Variants in RPS6KC1 observed in about 807,000 individuals in gnomAD.
RPS6KC1 encodes inactive ribosomal protein S6 kinase delta-1.
RPS6KC1 carries 54 observed loss-of-function variants against 103.8 expected under a neutral mutation model. That is an observed-to-expected ratio of 0.52 (90% CI 0.42 to 0.65). The LOEUF is 0.65. RPS6KC1 is among the 30% of genes least tolerant of loss of function. The pLI is 0.00. For synonymous variants in RPS6KC1, 439 were observed against 438.7 expected, an observed-to-expected ratio of 1.00 and a Z score of -0.01; for missense variants, 1,151 against 1,253.8, an observed-to-expected ratio of 0.92 and a Z score of 1.24.
At chr1:213,850,324 A>G in the RPS6KC1 span, among the ~76,000 whole-genome samples, 1 of 152,290 alleles carries the variant, frequency 6.6e-6, no homozygotes, top group South Asian at 2.1e-4. Flanking sequence ...TGTTCAATTT[A>G]TATTTTTTGT....
the RPS6KC1 span, among the ~76,000 whole-genome samples, chr1:213,553,861 A>AT: frequency 5.9e-5 from 9 of 151,580 alleles, no homozygotes; most frequent in African/African-American, 9.7e-5. Flanking sequence ...TTCTTTGACC[A>AT]TTTTTTTTGT....
chr1:213,588,401 C>A, the RPS6KC1 span, among the ~76,000 whole-genome samples: 1 of 151,660 alleles, frequency 6.6e-6, no homozygotes, highest in African/African-American at 2.4e-5. Flanking sequence ...TGGGTTCACA[C>A]CATTTTCCTG....
chr1:213,861,543 T>C, the RPS6KC1 span, among the ~76,000 whole-genome samples: 1 of 152,126 alleles, frequency 6.6e-6, no homozygotes, highest in African/African-American at 2.4e-5. Context: ...CACAAGACTC[T>C]TTGCTAGTAG....
the RPS6KC1 span, among the ~76,000 whole-genome samples, chr1:213,545,219 AC>A: frequency 1.3e-5 from 2 of 151,980 alleles, no homozygotes; most frequent in East Asian, 1.9e-4. Context: ...TACAAAAAAA[AC>A]ATTAACTGGG....
At chr1:213,488,785 A>G in the RPS6KC1 span, among the ~76,000 whole-genome samples, 1 of 152,214 alleles carries the variant, frequency 6.6e-6, no homozygotes. Context: ...TCCAATCTTT[A>G]TTTGAAATGG....
chr1:213,794,744 C>T, the RPS6KC1 span, among the ~76,000 whole-genome samples: 23 of 152,018 alleles, frequency 1.5e-4, no homozygotes, highest in African/African-American at 2.4e-4. Context: ...TTGTCTTGCC[C>T]GGGGAGAATA....
intron 8 of RPS6KC1, among the ~76,000 whole-genome samples, chr1:213,184,315 T>G (rs1365324909): frequency 6.6e-6 from 1 of 152,122 alleles, no homozygotes; most frequent in Non-Finnish European, 1.5e-5. Context: ...TTCTCATAAG[T>G]GTAGGTATAG....
At chr1:213,561,655 C>T in the RPS6KC1 span, among the ~76,000 whole-genome samples, 7,458 of 152,166 alleles carry the variant, frequency 0.049, 645 homozygotes, top group African/African-American at 0.17. Context: ...GATCAGTGCC[C>T]TTTTCTTTGG....
chr1:213,249,833 G>T (rs778935374), intron 12 of RPS6KC1, among the ~76,000 whole-genome samples: 1 of 152,184 alleles, frequency 6.6e-6, no homozygotes, highest in Non-Finnish European at 1.5e-5. Flanking sequence ...GTATAGTAAT[G>T]ATACCTATAA....
At chr1:213,198,035 G>A (rs758263033) in intron 8 of RPS6KC1, among the ~76,000 whole-genome samples, 4 of 151,858 alleles carry the variant, frequency 2.6e-5, no homozygotes, top group Non-Finnish European at 4.4e-5. Context: ...ATTGTGTTAC[G>A]GTTTTATAGG....
chr1:213,666,755 G>A, the RPS6KC1 span, among the ~76,000 whole-genome samples: 472 of 152,294 alleles, frequency 3.1e-3, 2 homozygotes, highest in Non-Finnish European at 5.3e-3. Context: ...CTGCTCTTAC[G>A]GCAAAGTAGT....
the RPS6KC1 span, among the ~76,000 whole-genome samples, chr1:213,503,593 A>G: frequency 6.6e-6 from 1 of 152,220 alleles, no homozygotes; most frequent in Non-Finnish European, 1.5e-5. Context: ...GTTCCTGCCT[A>G]TTAACAGTTA....
At chr1:213,822,994 A>T in the RPS6KC1 span, among the ~76,000 whole-genome samples, 1 of 152,132 alleles carries the variant, frequency 6.6e-6, no homozygotes, top group African/African-American at 2.4e-5. Flanking sequence ...TCTTCCAATA[A>T]TGCTCAGAAT....
the RPS6KC1 span, among the ~76,000 whole-genome samples, chr1:213,363,438 T>G: frequency 2.0e-5 from 3 of 152,210 alleles, no homozygotes; most frequent in Admixed American, 2.0e-4. Context: ...CCTCCCATCT[T>G]CCAACTCTGC....
At chr1:213,803,596 T>A in the RPS6KC1 span, among the ~76,000 whole-genome samples, 1 of 152,056 alleles carries the variant, frequency 6.6e-6, no homozygotes, top group Non-Finnish European at 1.5e-5. Flanking sequence ...AGCTTCTGCG[T>A]TTCAGAGTGG....
chr1:213,608,259 G>A, the RPS6KC1 span, among the ~76,000 whole-genome samples: 1 of 152,180 alleles, frequency 6.6e-6, no homozygotes, highest in Non-Finnish European at 1.5e-5. Context: ...AACTCACAGA[G>A]GGCCATATTT....
the RPS6KC1 span, among the ~76,000 whole-genome samples, chr1:213,704,159 G>A: frequency 1.3e-5 from 2 of 151,506 alleles, no homozygotes; most frequent in Non-Finnish European, 2.9e-5. Flanking sequence ...AGGCCGAGGC[G>A]GGCGGATCAC....
chr1:213,319,470 C>T, the RPS6KC1 span, among the ~76,000 whole-genome samples: 2 of 152,110 alleles, frequency 1.3e-5, no homozygotes, highest in African/African-American at 2.4e-5. Context: ...TAGCTTGATC[C>T]CTGATGTGCG....
chr1:213,780,160 T>A, the RPS6KC1 span, among the ~76,000 whole-genome samples: 1 of 152,282 alleles, frequency 6.6e-6, no homozygotes, highest in South Asian at 2.1e-4. Context: ...TCAAGTAAGA[T>A]GGTATCTGGA....
Sources: allele counts gnomAD v4.1 joint callset (sites outside exome capture counted in the v4.1 genomes callset), GRCh38; gene constraint gnomAD v4.1.1; transcripts MANE v1.5; gene names NCBI Gene and HGNC (gene_info 2026-07-23, HGNC 2026-07-21).